CDH4: variants seen among roughly 807,000 people sequenced by gnomAD.
CDH4 encodes cadherin 4.
Under a neutral mutation model 86.0 loss-of-function variants are expected in CDH4, and 33 were observed. That is an observed-to-expected ratio of 0.38 (90% CI 0.29 to 0.51). The LOEUF (loss-of-function observed/expected upper bound fraction) is 0.51, where lower values mean the gene tolerates loss of function less well. Ranked by LOEUF, CDH4 falls within the 20% of genes least tolerant of loss-of-function variation. CDH4 has a pLI of 0.86. For synonymous variants in CDH4, 555 were observed against 549.4 expected, an observed-to-expected ratio of 1.01 and a Z score of -0.14; for missense variants, 1,114 against 1,307.4, an observed-to-expected ratio of 0.85 and a Z score of 2.28.
chr20:61,798,021 C>T (rs76443044), intron 4 of CDH4, among the ~76,000 whole-genome samples: 4,096 of 152,250 alleles, frequency 0.027, 162 homozygotes, highest in African/African-American at 0.084. Context: ...AGCACCACTC[C>T]GGGGTCAGCT....
At chr20:61,650,576 A>G (rs1469056387) in intron 2 of CDH4, among the ~76,000 whole-genome samples, 2 of 152,174 alleles carry the variant, frequency 1.3e-5, no homozygotes, top group South Asian at 4.1e-4. Flanking sequence ...CATCTACTGT[A>G]TATCAGGCCC....
chr20:61,262,820 TCTCCCCTTCC>T (rs1324864475), intron 2 of CDH4, among the ~76,000 whole-genome samples: 3 of 125,158 alleles, frequency 2.4e-5, no homozygotes, highest in Non-Finnish European at 3.3e-5. Context: ...CTCTCTTCCC[TCTCCCCTTCC>T]CTCCCCTTCC....
intron 2 of CDH4, among the ~76,000 whole-genome samples, chr20:61,354,858 G>A (rs1394447776): frequency 6.6e-6 from 1 of 152,224 alleles, no homozygotes; most frequent in Non-Finnish European, 1.5e-5. Context: ...GAGCATCTGT[G>A]AGGGGAGAGC....
intron 2 of CDH4, among the ~76,000 whole-genome samples, chr20:61,503,909 T>C (rs907327522): frequency 1.1e-4 from 17 of 152,186 alleles, no homozygotes; most frequent in African/African-American, 3.9e-4. Context: ...GTCTGAACTC[T>C]GCGTCTTTGG....
rs891790062 is a variant in CDH4 at position 61,843,246 on chromosome 20, C to T, written c.577-1422C>T. On this transcript the variant is annotated intron_variant, in intron 4 of 15. Coordinates refer to ENST00000614565, the MANE Select transcript of CDH4 (RefSeq NM_001794.5). ...CGGGTGAATCATGAGGTCAGGAGAT[C>T]GAGACCATCCTGGCTAACAAGGTGA... Among the ~76,000 whole-genome samples, 242 of 150,938 alleles carry T rather than the reference C, an allele frequency of 1.6e-3. 1 individual carries two copies. The highest frequency in any genetic ancestry group is 6.9e-3 in the Middle Eastern group (2 of 290).
chr20:61,902,413 A>C lies in CDH4; in HGVS notation c.1188+7366A>C, dbSNP rs1403725140. ...GGGGCACGCGGTCACCACCCCGCAG[A>C]ACCGCTCCCGTGCTCGTTGCAGGAG... On this transcript the variant is annotated intron_variant, in intron 8 of 15. Transcript: ENST00000614565. This position sits in a 1 kb window ranked among gnomAD's most constrained non-coding sequence, Gnocchi z 4.6. Among the ~76,000 whole-genome samples the C allele has an allele frequency of 6.6e-6, 1 of 152,248 alleles. No homozygotes were observed. The highest frequency in any genetic ancestry group is 1.9e-4 in the East Asian group (1 of 5,190).
intron 6 of CDH4, among the ~76,000 whole-genome samples, chr20:61,858,049 GTC>G (rs1212692268): frequency 1.3e-5 from 2 of 151,094 alleles, no homozygotes; most frequent in Non-Finnish European, 3.0e-5. Flanking sequence ...GTGTCTGTGT[GTC>G]TCTGTGTGTG....
chr20:61,383,556 AT>A (rs2084927085), intron 2 of CDH4, among the ~76,000 whole-genome samples: 2 of 67,972 alleles, frequency 2.9e-5, no homozygotes, highest in Non-Finnish European at 4.9e-5. Context: ...AATATATATG[AT>A]ATATGATATA....
At chr20:61,554,872 CTGAG>C (rs1412787537) in intron 2 of CDH4, among the ~76,000 whole-genome samples, 3 of 139,242 alleles carry the variant, frequency 2.2e-5, no homozygotes, top group African/African-American at 5.9e-5. Context: ...GTTTGTGTGT[CTGAG>C]TAAGCTCACG....
intron 2 of CDH4, among the ~76,000 whole-genome samples, chr20:61,550,859 G>A (rs561197358): frequency 1.7e-4 from 26 of 152,276 alleles, no homozygotes; most frequent in South Asian, 4.1e-4. Context: ...GAGCAGGAGC[G>A]GAATCACTGG....
intron 2 of CDH4, chr20:61,719,603 A>C (rs1018991107): frequency 1.5e-4 from 26 of 177,048 alleles, no homozygotes; most frequent in Admixed American, 5.4e-5. Context: ...TGCAAAACGC[A>C]TGGAGCTATG....
At chr20:61,565,289 A>ATGGTGGTGGTGCTCTTGG (rs1464570420) in intron 2 of CDH4, among the ~76,000 whole-genome samples, 1 of 18,610 alleles carries the variant, frequency 5.4e-5, no homozygotes, top group Non-Finnish European at 9.4e-5. Context: ...TGATGGGGTG[A>ATGGTGGTGGTGCTCTTGG]TGGTGGTGGC....
Position 61,921,748 on chromosome 20 carries a change from CA to C in CDH4, c.1375-1682del, listed in dbSNP as rs11468230. Among the ~76,000 whole-genome samples the C allele has an allele frequency of 8.6e-3, 1,157 of 134,660 alleles. 9 individuals carry two copies. Among genetic ancestry groups the C allele is most frequent in the African/African-American group, 0.028 (981 of 35,622 alleles). 88.3% of individuals were successfully genotyped at this position (134,660 alleles called of 152,430 possible). ...GCCTGGCAATGGAGGAAGACTCTGT[CA>C]AAAAAAAAAAAAAAAAAAAATCAAA... On this transcript the variant is annotated intron_variant, in intron 9 of 15. Coordinates refer to ENST00000614565, the MANE Select transcript of CDH4 (RefSeq NM_001794.5).
chr20:61,680,937 C>T (rs1163256330), intron 2 of CDH4, among the ~76,000 whole-genome samples: 1 of 152,186 alleles, frequency 6.6e-6, no homozygotes, highest in African/African-American at 2.4e-5. Context: ...CAGCAGGTGG[C>T]TCAGAGGCTA....
At chr20:61,564,020 C>T (rs1033769268) in intron 2 of CDH4, among the ~76,000 whole-genome samples, 2 of 152,182 alleles carry the variant, frequency 1.3e-5, no homozygotes, top group Admixed American at 1.3e-4. Flanking sequence ...ACTTCTCTGT[C>T]CGTCCCTCAA....
intron 4 of CDH4, among the ~76,000 whole-genome samples, chr20:61,773,615 C>G (rs973925673): frequency 1.3e-5 from 2 of 152,184 alleles, no homozygotes; most frequent in African/African-American, 4.8e-5. Flanking sequence ...AGTTCTTGGT[C>G]CCCGAGCTCC....
At chr20:61,565,092 T>TGGTGG (rs747308048) in intron 2 of CDH4, among the ~76,000 whole-genome samples, 6,793 of 62,684 alleles carry the variant, frequency 0.11, 395 homozygotes, top group East Asian at 0.25. Context: ...GGTGGTGCTC[T>TGGTGG]TGGTGGTGCT....
At chr20:61,311,960 G>A (rs1392136443) in intron 2 of CDH4, among the ~76,000 whole-genome samples, 1 of 152,284 alleles carries the variant, frequency 6.6e-6, no homozygotes, top group African/African-American at 2.4e-5. Context: ...GCGTGCACAT[G>A]TGTACTGTAT....
chr20:61,875,860 C>T (rs983260360), intron 7 of CDH4, among the ~76,000 whole-genome samples: 1 of 152,174 alleles, frequency 6.6e-6, no homozygotes, highest in East Asian at 1.9e-4. Flanking sequence ...AACCAGATAC[C>T]GTCCCCCATC....
Sources: allele counts gnomAD v4.1 joint callset (sites outside exome capture counted in the v4.1 genomes callset), GRCh38; gene constraint gnomAD v4.1.1; non-coding constraint Gnocchi (gnomAD v3.1); transcripts MANE v1.5; gene names NCBI Gene and HGNC (gene_info 2026-07-23, HGNC 2026-07-21).